Variants in GRM1 observed in about 807,000 individuals in gnomAD.
GRM1 encodes the protein glutamate metabotropic receptor 1.
In GRM1, 33 loss-of-function variants were observed where a neutral mutation model predicts 90.9. The ratio of observed to expected loss-of-function variants is 0.36; its 90% CI spans 0.28 to 0.49. GRM1 has a LOEUF of 0.49. GRM1 is among the 20% of genes least tolerant of loss of function. The probability of loss-of-function intolerance (pLI) is 0.99; values close to 1 mark genes in which losing one functional copy is unlikely to be tolerated. For synonymous variants in GRM1, 700 were observed against 613.2 expected (o/e 1.14, Z -2.09); for missense variants, 1,190 against 1,534.3 (o/e 0.78, Z 3.75).
chr6:146,161,206 C>A (rs1777710990), intron 2 of GRM1, among the ~76,000 whole-genome samples: 1 of 152,018 alleles, frequency 6.6e-6, no homozygotes, highest in South Asian at 2.1e-4. Flanking sequence ...GTCTGTTTTG[C>A]AGAATTTATT....
intron 1 of GRM1, among the ~76,000 whole-genome samples, chr6:146,102,240 G>A (rs370710826): frequency 1.7e-4 from 26 of 151,884 alleles, no homozygotes; most frequent in South Asian, 6.2e-4. Flanking sequence ...TCCTATCCTT[G>A]CTTATATGAT....
At chr6:146,142,150 C>T (rs1776901173) in intron 1 of GRM1, among the ~76,000 whole-genome samples, 1 of 152,184 alleles carries the variant, frequency 6.6e-6, no homozygotes, top group South Asian at 2.1e-4. Flanking sequence ...GTATAAGTAC[C>T]ACCTCATAGA....
chr6:146,146,884 A>G (rs1026421223), intron 1 of GRM1, among the ~76,000 whole-genome samples: 3 of 152,212 alleles, frequency 2.0e-5, no homozygotes, highest in African/African-American at 2.4e-5. Context: ...GTATTATTTT[A>G]TAAGCAACAG....
chr6:146,177,574 T>C (rs1313628485), intron 2 of GRM1, among the ~76,000 whole-genome samples: 1 of 152,164 alleles, frequency 6.6e-6, no homozygotes, highest in Non-Finnish European at 1.5e-5. Flanking sequence ...TTTTTGAAGC[T>C]GGATAACTTA....
intron 3 of GRM1, among the ~76,000 whole-genome samples, chr6:146,328,893 G>A (rs1247420873): frequency 2.4e-4 from 37 of 152,194 alleles, no homozygotes; most frequent in Non-Finnish European, 7.3e-5. Flanking sequence ...ACCCTGCAGA[G>A]GACAGACACT....
intron 2 of GRM1, among the ~76,000 whole-genome samples, chr6:146,232,728 C>T (rs546060741): frequency 6.6e-6 from 1 of 152,114 alleles, no homozygotes; most frequent in Admixed American, 6.6e-5. Context: ...TAAGGCTCAC[C>T]TATATGAGTT....
chr6:146,265,534 T>C (rs1483193049), intron 2 of GRM1, among the ~76,000 whole-genome samples: 1 of 152,244 alleles, frequency 6.6e-6, no homozygotes, highest in African/African-American at 2.4e-5. Flanking sequence ...TTTAGTTTAG[T>C]AGTCTCATTT....
chr6:146,060,602 A>G (rs1165825455), intron 1 of GRM1, among the ~76,000 whole-genome samples: 1 of 152,182 alleles, frequency 6.6e-6, no homozygotes, highest in Admixed American at 6.6e-5. Context: ...ATGGCTGTAT[A>G]GTATTCCATG....
At chr6:146,350,913 C>T (rs1340379997) in intron 3 of GRM1, among the ~76,000 whole-genome samples, 2 of 152,160 alleles carry the variant, frequency 1.3e-5, no homozygotes, top group African/African-American at 4.8e-5. Context: ...TCTTCTTCCC[C>T]TTTAACCTAG....
At chr6:146,264,868 A>T (rs1781823103) in intron 2 of GRM1, among the ~76,000 whole-genome samples, 2 of 152,102 alleles carry the variant, frequency 1.3e-5, no homozygotes, top group South Asian at 4.1e-4. Flanking sequence ...ACATGATTTT[A>T]TTCTTTTTTA....
At chr6:146,035,318 T>A (rs1301921914) in intron 1 of GRM1, among the ~76,000 whole-genome samples, 1 of 151,972 alleles carries the variant, frequency 6.6e-6, no homozygotes, top group Non-Finnish European at 1.5e-5. Flanking sequence ...GAAAGATACA[T>A]CCAAGCACAG....
rs1782787370 is a variant in GRM1, at chr6:146,286,908, ATAT to A, written c.951-17699_951-17697del. 3.3e-5 allele frequency among the ~76,000 whole-genome samples: 5 copies of A among 152,246 alleles called. 1 individual carries two copies. The South Asian group carries it at 1.0e-3, about 31-fold the overall frequency. The stretch of plus-strand genomic sequence containing the variant: ...GTGAAAATAATGTTAAATGGCAGGC[ATAT>A]TATCCCTCTAGGGGAAAATATAATG... On this transcript the variant is annotated intron_variant, in intron 2 of 7. Coordinates refer to ENST00000282753, the MANE Select transcript of GRM1 (RefSeq NM_001278064.2).
chr6:146,294,362 G>A (rs1466195332), intron 2 of GRM1, among the ~76,000 whole-genome samples: 1 of 151,714 alleles, frequency 6.6e-6, no homozygotes, highest in Non-Finnish European at 1.5e-5. Context: ...AAAGTTTTTA[G>A]TTTCCAAGTA....
chr6:146,367,094 G>A (rs937611789), intron 5 of GRM1, among the ~76,000 whole-genome samples: 7 of 151,962 alleles, frequency 4.6e-5, no homozygotes, highest in Non-Finnish European at 7.4e-5. Flanking sequence ...GAGAAATAGG[G>A]GTTTAGTTTT....
At chr6:146,129,498 G>C (rs1370733691) in intron 1 of GRM1, among the ~76,000 whole-genome samples, 7 of 152,140 alleles carry the variant, frequency 4.6e-5, no homozygotes, top group Non-Finnish European at 7.3e-5. Flanking sequence ...GCAGGAAAAA[G>C]CCAGAACCTC....
chr6:146,066,766 C>CAGACAG (rs1387207443), intron 1 of GRM1, among the ~76,000 whole-genome samples: 8 of 60,166 alleles, frequency 1.3e-4, no homozygotes, highest in African/African-American at 2.9e-4. Context: ...GACAGACAGG[C>CAGACAG]AGAGAGAGAG....
intron 2 of GRM1, among the ~76,000 whole-genome samples, chr6:146,170,979 G>A (rs532389120): frequency 8.3e-4 from 126 of 152,136 alleles, no homozygotes; most frequent in Non-Finnish European, 1.5e-3. Flanking sequence ...TTTTATTGAA[G>A]TCTATTTTTT....
rs1189996524 is a variant in GRM1, at chr6:146,121,415, GT to G, written c.701-37927del. Among the ~76,000 whole-genome samples the G allele has an allele frequency of 4.6e-5, 7 of 152,136 alleles. No individual in the cohort carries two copies. The East Asian group carries it at 1.4e-3, about 29-fold the overall frequency. On this transcript the variant is annotated intron_variant, in intron 1 of 7. Transcript: ENST00000282753. The stretch of plus-strand genomic sequence containing the variant: ...TCTGGATTCATTGATTTTTTGAAGG[GT>G]TTTTTGTGTCTCTATCTCCTTCAGT...
intron 2 of GRM1, among the ~76,000 whole-genome samples, chr6:146,267,720 CGT>C: frequency 7.2e-6 from 1 of 139,314 alleles, no homozygotes; most frequent in Admixed American, 7.1e-5. Context: ...CGTCTCGTCT[CGT>C]CTCGTCTCGT....
Sources: allele counts gnomAD v4.1 joint callset (sites outside exome capture counted in the v4.1 genomes callset), GRCh38; gene constraint gnomAD v4.1.1; transcripts MANE v1.5; gene names NCBI Gene and HGNC (gene_info 2026-07-23, HGNC 2026-07-21).